The following BANP variants were observed in gnomAD, a reference collection of about 807,000 sequenced individuals.
The protein encoded by BANP is BTG3 associated nuclear protein.
A neutral mutation model predicts 68.1 loss-of-function variants in BANP; 11 were observed. That is an observed-to-expected ratio of 0.16 (90% CI 0.10 to 0.27). BANP has a LOEUF of 0.27. Among genes scored for constraint, BANP ranks in the 10% least tolerant of loss-of-function variants. The pLI, the probability that BANP is intolerant of heterozygous loss-of-function variation, is 1.00. For missense variants in BANP, 504 were observed against 722.7 expected, an observed-to-expected ratio of 0.70 and a Z score of 3.47; for synonymous variants, 329 against 303.2, an observed-to-expected ratio of 1.09 and a Z score of -0.88.
At chr16:88,063,541 A>G (rs1022938133) in intron 11 of BANP, among the ~76,000 whole-genome samples, 1 of 152,132 alleles carries the variant, frequency 6.6e-6, no homozygotes, top group African/African-American at 2.4e-5. Context: ...GTCATTTCTG[A>G]TCTCGCCTTC....
intron 11 of BANP, among the ~76,000 whole-genome samples, chr16:88,049,673 A>C (rs546302599): frequency 7.2e-5 from 11 of 152,276 alleles, no homozygotes; most frequent in Admixed American, 5.9e-4. Flanking sequence ...GGAACCAGGG[A>C]CAAAACCAGT....
intron 3 of BANP, among the ~76,000 whole-genome samples, chr16:87,983,015 G>T (rs1287264118): frequency 6.6e-6 from 1 of 152,200 alleles, no homozygotes; most frequent in African/African-American, 2.4e-5. Context: ...TGTGCTGCGA[G>T]CTCCACGGCC....
chr16:88,025,525 T>A (rs534008125), intron 7 of BANP, among the ~76,000 whole-genome samples: 1 of 152,212 alleles, frequency 6.6e-6, no homozygotes, highest in Non-Finnish European at 1.5e-5. Flanking sequence ...GAAACCACTT[T>A]AGGGTGTTCT....
chr16:87,983,260 C>T (rs1376028575), intron 3 of BANP, among the ~76,000 whole-genome samples: 1 of 152,184 alleles, frequency 6.6e-6, no homozygotes, highest in South Asian at 2.1e-4. Flanking sequence ...CCTCCCTAGA[C>T]CTGAAGGAGT....
chr16:87,971,395 T>G (rs995322963), intron 1 of BANP, among the ~76,000 whole-genome samples: 2 of 152,230 alleles, frequency 1.3e-5, no homozygotes, highest in African/African-American at 4.8e-5. Flanking sequence ...GGGAATACTG[T>G]TCTCTGAGGA....
chr16:88,009,835 C>T (rs1005217314), intron 6 of BANP, among the ~76,000 whole-genome samples: 1 of 147,220 alleles, frequency 6.8e-6, no homozygotes, highest in African/African-American at 2.7e-5. Context: ...ATAAGAAGGA[C>T]AGTAGCTCCT....
rs755564554 is a variant in BANP at position 87,984,157 on chromosome 16, A to C, written c.260A>C (p.Glu87Ala). 21 of 1,610,160 alleles carry C rather than the reference A, an allele frequency of 1.3e-5. No individual in the cohort carries two copies. Among genetic ancestry groups the C allele is most frequent in the Non-Finnish European group, 1.8e-5 (21 of 1,177,726 alleles). The change falls in exon 4 of 14, where the codon GAA becomes GCA. Residue 87 changes from glutamate (E) to alanine (A), a missense_variant. Coordinates refer to ENST00000682872, the MANE Select transcript of BANP (RefSeq NM_001386991.1). Reference sequence around the variant, plus strand: ...GAGGCTACTTGTAAATCCTTAGAAGAAAAGCTGGATCTGGTCACGAACAAG... The same window carrying C: ...GAGGCTACTTGTAAATCCTTAGAAGCAAAGCTGGATCTGGTCACGAACAAG... ...ALEATCKSLE[E>A]KLDLVTNKQH...
intron 1 of BANP, among the ~76,000 whole-genome samples, chr16:87,973,404 C>T (rs1057030673): frequency 4.6e-5 from 7 of 152,072 alleles, no homozygotes; most frequent in African/African-American, 1.7e-4. Context: ...TGCCTTTACT[C>T]TATAAAGGAA....
At chr16:88,054,381 C>A (rs1044397458) in intron 11 of BANP, among the ~76,000 whole-genome samples, 1 of 150,846 alleles carries the variant, frequency 6.6e-6, no homozygotes, top group African/African-American at 2.4e-5. Flanking sequence ...CCACCACCAC[C>A]TCTACTATCT....
chr16:87,998,628 G>T (rs1015698353), intron 4 of BANP, among the ~76,000 whole-genome samples: 6 of 149,294 alleles, frequency 4.0e-5, no homozygotes, highest in African/African-American at 1.5e-4. Flanking sequence ...GTGCGCGGCT[G>T]TACTTACCTG....
chr16:88,026,905 A>G (rs535620026), intron 7 of BANP, among the ~76,000 whole-genome samples: 1 of 152,366 alleles, frequency 6.6e-6, no homozygotes, highest in African/African-American at 2.4e-5. Context: ...CAAATGCCGG[A>G]AGGTGGTCAG....
intron 1 of BANP, among the ~76,000 whole-genome samples, chr16:87,964,119 T>C (rs1957322332): frequency 6.6e-6 from 1 of 152,250 alleles, no homozygotes; most frequent in Admixed American, 6.5e-5. Context: ...ACAGTCCTTA[T>C]TGAAATCAGG....
chr16:87,961,407 G>GCCCCCCCCCCCCCCCCCCCCCCCCCC (rs149889657), intron 1 of BANP, among the ~76,000 whole-genome samples: 1 of 117,560 alleles, frequency 8.5e-6, no homozygotes, highest in African/African-American at 2.9e-5. Context: ...CACAGAATCT[G>GCCCCCCCCCCCCCCCCCCCCCCCCCC]CACCCCCCCG....
chr16:88,071,885 C>T lies in BANP; in HGVS notation c.1378-184C>T, dbSNP rs762267591. The T allele has an allele frequency of 3.8e-6, 3 of 789,210 alleles. No individual in the cohort carries two copies. Among genetic ancestry groups the T allele is most frequent in the South Asian group, 2.9e-5 (2 of 68,284 alleles). The allele number at this position is 789,210 out of a possible 1,614,324, so 48.9% of individuals were successfully genotyped here. The stretch of plus-strand genomic sequence containing the variant: ...TGGCACTCTCTCACTGGATCTGATG[C>T]GACTTGAGAGCGATGGGGAGACAGG... On this transcript the variant is annotated intron_variant, in intron 12 of 13. Coordinates refer to ENST00000682872, the MANE Select transcript of BANP (RefSeq NM_001386991.1). This position sits in a 1 kb window ranked among gnomAD's most constrained non-coding sequence, Gnocchi z 6.5.
At chr16:88,060,558 A>G (rs1333600572) in intron 11 of BANP, among the ~76,000 whole-genome samples, 1 of 152,206 alleles carries the variant, frequency 6.6e-6, no homozygotes, top group African/African-American at 2.4e-5. Flanking sequence ...TGTGCCATAC[A>G]GTAAGTTTTC....
At chr16:88,044,238 C>T (rs2081442313) in intron 11 of BANP, among the ~76,000 whole-genome samples, 1 of 152,238 alleles carries the variant, frequency 6.6e-6, no homozygotes, top group South Asian at 2.1e-4. Context: ...TCTGCGCAAG[C>T]CACAGCAGGA....
chr16:87,953,776 G>C (rs979873171), intron 1 of BANP, among the ~76,000 whole-genome samples: 1 of 152,084 alleles, frequency 6.6e-6, no homozygotes, highest in African/African-American at 2.4e-5. Flanking sequence ...TTCTCCTTCA[G>C]CCCCTGTCCT....
chr16:87,979,007 G>A (rs114197343), intron 2 of BANP, among the ~76,000 whole-genome samples: 1,754 of 152,298 alleles, frequency 0.012, 33 homozygotes, highest in African/African-American at 0.04. Context: ...GTCGACAGTG[G>A]TCCTTGGCTT....
intron 8 of BANP, among the ~76,000 whole-genome samples, chr16:88,032,052 G>A (rs1281922174): frequency 1.3e-5 from 2 of 152,082 alleles, no homozygotes; most frequent in African/African-American, 2.4e-5. Flanking sequence ...GATCTTGCCC[G>A]CCTTGGCCTC....
Sources: allele counts gnomAD v4.1 joint callset (sites outside exome capture counted in the v4.1 genomes callset), GRCh38; gene constraint gnomAD v4.1.1; non-coding constraint Gnocchi (gnomAD v3.1); transcripts MANE v1.5; gene names NCBI Gene and HGNC (gene_info 2026-07-23, HGNC 2026-07-21).